The following ZNF475 variants were observed in gnomAD, a reference collection of about 807,000 sequenced individuals.
The protein encoded by ZNF475 is zinc finger protein 475.
chr5:122,173,991 G>T, the ZNF475 span, among the ~76,000 whole-genome samples: 45,063 of 152,154 alleles, frequency 0.3, 10,091 homozygotes, highest in African/African-American at 0.62. Context: ...TGCCTTTCTT[G>T]GATAACGCTT....
the ZNF475 span, among the ~76,000 whole-genome samples, chr5:122,167,706 C>A: frequency 1.3e-5 from 2 of 152,192 alleles, no homozygotes; most frequent in Non-Finnish European, 2.9e-5. Context: ...ATGTGCAATT[C>A]AATGAATTTT....
the ZNF475 span, among the ~76,000 whole-genome samples, chr5:122,165,630 G>A: frequency 2.6e-5 from 4 of 152,072 alleles, no homozygotes. Context: ...TATTACCTCT[G>A]GGTGCCCTGA....
At chr5:122,173,325 G>T in the ZNF475 span, among the ~76,000 whole-genome samples, 1 of 152,052 alleles carries the variant, frequency 6.6e-6, no homozygotes, top group African/African-American at 2.4e-5. Flanking sequence ...TTCTAGTCTC[G>T]GTTTTCTGAA....
chr5:122,179,528 A>T, the ZNF475 span: 4 of 1,352,528 alleles, frequency 3.0e-6, no homozygotes, highest in Non-Finnish European at 4.0e-6. Context: ...TTCACTCATG[A>T]TTTATTTTAT....
chr5:122,171,902 C>A, the ZNF475 span, among the ~76,000 whole-genome samples: 1 of 152,030 alleles, frequency 6.6e-6, no homozygotes. Context: ...CCATGCCCAG[C>A]TAATTTTTAT....
chr5:122,180,144 G>A, the ZNF475 span: 1 of 152,768 alleles, frequency 6.5e-6, no homozygotes, highest in Non-Finnish European at 1.5e-5. Flanking sequence ...GTGTCTTGGT[G>A]TTCATAGAGC....
chr5:122,167,421 CT>C, the ZNF475 span, among the ~76,000 whole-genome samples: 1 of 152,026 alleles, frequency 6.6e-6, no homozygotes, highest in Admixed American at 6.6e-5. Flanking sequence ...TGGTTATATG[CT>C]TTGTTTTTTG....
the ZNF475 span, among the ~76,000 whole-genome samples, chr5:122,161,596 A>T: frequency 6.6e-6 from 1 of 152,248 alleles, no homozygotes; most frequent in African/African-American, 2.4e-5. Flanking sequence ...GCTGTAGACA[A>T]ATCAGGCACT....
At chr5:122,169,036 A>C in the ZNF475 span, among the ~76,000 whole-genome samples, 12 of 152,336 alleles carry the variant, frequency 7.9e-5, no homozygotes, top group African/African-American at 2.6e-4. Flanking sequence ...CTCAAGGTCT[A>C]ACCACTCGTG....
At chr5:122,166,734 A>G in the ZNF475 span, among the ~76,000 whole-genome samples, 1 of 152,178 alleles carries the variant, frequency 6.6e-6, no homozygotes, top group African/African-American at 2.4e-5. Flanking sequence ...AATCCAGTCT[A>G]TCGTTGACGG....
chr5:122,179,032 AG>A, the ZNF475 span, among the ~76,000 whole-genome samples: 1 of 152,154 alleles, frequency 6.6e-6, no homozygotes, highest in Non-Finnish European at 1.5e-5. Context: ...GGTTTGTCAA[AG>A]ATCAGATGGT....
At chr5:122,175,884 T>A in the ZNF475 span, among the ~76,000 whole-genome samples, 1 of 152,194 alleles carries the variant, frequency 6.6e-6, no homozygotes, top group South Asian at 2.1e-4. Flanking sequence ...ACTTTGCTTG[T>A]CTCTCAAGTT....
the ZNF475 span, among the ~76,000 whole-genome samples, chr5:122,172,834 C>G: frequency 7.0e-3 from 1,060 of 152,166 alleles, 7 homozygotes; most frequent in Middle Eastern, 6.8e-3. Flanking sequence ...GAGATCGAGA[C>G]CACCCTGGCT....
chr5:122,182,406 G>C, the ZNF475 span: 4 of 1,049,168 alleles, frequency 3.8e-6, no homozygotes, highest in Non-Finnish European at 5.2e-6. Context: ...AATAAAAACT[G>C]ATCCATTTTA....
chr5:122,174,933 T>C, the ZNF475 span, among the ~76,000 whole-genome samples: 1,637 of 152,314 alleles, frequency 0.011, 79 homozygotes, highest in East Asian at 0.091. Flanking sequence ...AAATTTTTCC[T>C]TATGCTTTGT....
the ZNF475 span, among the ~76,000 whole-genome samples, chr5:122,163,961 T>C: frequency 2.0e-4 from 31 of 152,294 alleles, no homozygotes; most frequent in South Asian, 4.1e-4. Context: ...CTTTTTTTTT[T>C]TCTCTCTAAA....
At chr5:122,181,292 A>C in the ZNF475 span, among the ~76,000 whole-genome samples, 1 of 152,172 alleles carries the variant, frequency 6.6e-6, no homozygotes, top group African/African-American at 2.4e-5. Context: ...TCAAGGCCCT[A>C]TGCAAAAACA....
the ZNF475 span, chr5:122,182,503 A>C: frequency 4.0e-6 from 6 of 1,483,672 alleles, no homozygotes; most frequent in African/African-American, 7.1e-5. Flanking sequence ...AAAGGCTTCT[A>C]TGATCTTGAT....
the ZNF475 span, among the ~76,000 whole-genome samples, chr5:122,163,543 A>G: frequency 2.2e-4 from 33 of 152,330 alleles, no homozygotes; most frequent in East Asian, 6.0e-3. Context: ...ATTTGGCTTA[A>G]TGGAAGGAAT....
Sources: gnomAD v4.1 joint callset for allele counts (sites outside exome capture counted in the v4.1 genomes callset) on GRCh38, gnomAD v4.1.1 for gene constraint, MANE v1.5 for transcripts, NCBI Gene and HGNC (gene_info 2026-07-23, HGNC 2026-07-21) for gene names.